EBF3: variants seen among roughly 807,000 people sequenced by gnomAD.
The protein encoded by EBF3 is EBF transcription factor 3, also known as transcription factor COE3.
A neutral mutation model predicts 77.1 loss-of-function variants in EBF3; 18 were observed. That is an observed-to-expected ratio of 0.23 (90% CI 0.16 to 0.35). The LOEUF (loss-of-function observed/expected upper bound fraction) is 0.35, where lower values mean the gene tolerates loss of function less well. Among genes scored for constraint, EBF3 ranks in the 10% least tolerant of loss-of-function variants. The pLI is 1.00. For synonymous variants in EBF3, 350 were observed against 343.5 expected (o/e 1.02, Z -0.21); for missense variants, 558 against 860.0 (o/e 0.65, Z 4.39).
chr10:129,924,733 C>G (rs1856549337), intron 6 of EBF3, among the ~76,000 whole-genome samples: 1 of 152,202 alleles, frequency 6.6e-6, no homozygotes, highest in African/African-American at 2.4e-5. Flanking sequence ...GTAGCATGAT[C>G]ATGGCTCACT....
chr10:129,867,613 G>A (rs182677053), intron 9 of EBF3, among the ~76,000 whole-genome samples, 169 bp downstream of exon 9: 1 of 152,306 alleles, frequency 6.6e-6, no homozygotes, highest in African/African-American at 2.4e-5. Flanking sequence ...AGGGCAGGGG[G>A]GTGTTCCGTA....
intron 10 of EBF3, among the ~76,000 whole-genome samples, chr10:129,856,730 G>A (rs560330180): frequency 5.3e-5 from 8 of 152,224 alleles, no homozygotes; most frequent in South Asian, 4.1e-4. Context: ...GTTCCTTTTC[G>A]TGTGAAGAAA....
chr10:129,870,895 T>C lies in EBF3; in HGVS notation c.781+2557A>G, dbSNP rs1285506388. 6.6e-6 allele frequency among the ~76,000 whole-genome samples: 1 copy of C among 152,150 alleles called. No homozygotes were observed. The highest frequency in any genetic ancestry group is 1.5e-5 in the Non-Finnish European group (1 of 68,028). ...GCCCTCCTGAGTAATATCACAGCAT[T>C]TGTCACCTTCCTCTGCATTCACAAT... On this transcript the variant is annotated intron_variant, in intron 8 of 16. Coordinates refer to ENST00000440978, the MANE Select transcript of EBF3 (RefSeq NM_001375380.1). The surrounding 1 kb of genome is among the most constrained non-coding windows in gnomAD (Gnocchi z 4.4).
At chr10:129,851,932 C>T (rs1042565531) in intron 10 of EBF3, among the ~76,000 whole-genome samples, 1 of 152,124 alleles carries the variant, frequency 6.6e-6, no homozygotes, top group Non-Finnish European at 1.5e-5. Flanking sequence ...AGTAGGCTAC[C>T]GCGGCCTAAT....
Position 129,841,042 on chromosome 10 carries a change from TC to T in EBF3, c.1373-11del, listed in dbSNP as rs68001511. On this transcript the variant is annotated splice_polypyrimidine_tract_variant and intron_variant, in intron 13 of 16. Coordinates refer to ENST00000440978, the MANE Select transcript of EBF3 (RefSeq NM_001375380.1). The surrounding 1 kb of genome is among the most constrained non-coding windows in gnomAD (Gnocchi z 4.6). ...TTGCGACTGTAGCCGACTGTTGAAA[TC>T]CCCCCCCCGGCCAAAAATAACATTA... 345 of 1,506,926 alleles carry T rather than the reference TC, an allele frequency of 2.3e-4. 3 individuals carry two copies. Among genetic ancestry groups the T allele is most frequent in the East Asian group, 1.2e-3 (52 of 41,626 alleles). 93.3% of individuals were successfully genotyped at this position (1,506,926 alleles called of 1,614,324 possible). A position where few individuals can be genotyped will look rare whatever the true frequency, so the allele number is the denominator to read the frequency against.
intron 6 of EBF3, among the ~76,000 whole-genome samples, chr10:129,898,777 C>T (rs1405670749): frequency 2.0e-5 from 3 of 152,182 alleles, no homozygotes; most frequent in Non-Finnish European, 4.4e-5. Flanking sequence ...CCAAGCTGGT[C>T]CCAGCCTCTT....
chr10:129,842,392 G>A lies in EBF3; in HGVS notation c.1195-99C>T. The A allele has an allele frequency of 7.3e-7, 1 of 1,368,732 alleles. No homozygotes were observed. The highest frequency in any genetic ancestry group is 9.8e-7 in the Non-Finnish European group (1 of 1,016,908). 84.8% of individuals were successfully genotyped at this position (1,368,732 alleles called of 1,614,324 possible). ...CCATGGTGGCATCCCACTGTCCCTT[G>A]CCCAGACCATGACCAAATCTATTTC... On this transcript the variant is annotated intron_variant, in intron 12 of 16. Transcript: ENST00000440978. This position sits in a 1 kb window ranked among gnomAD's most constrained non-coding sequence, Gnocchi z 4.4.
chr10:129,955,162 T>C (rs7088726), intron 6 of EBF3, among the ~76,000 whole-genome samples: 27,817 of 152,222 alleles, frequency 0.18, 2,722 homozygotes, highest in East Asian at 0.25. Flanking sequence ...AATAGTACTT[T>C]GCCATTCTAA....
At chr10:129,945,356 C>T (rs901354138) in intron 6 of EBF3, among the ~76,000 whole-genome samples, 1 of 152,070 alleles carries the variant, frequency 6.6e-6, no homozygotes, top group South Asian at 2.1e-4. Flanking sequence ...GAACCCTAAC[C>T]GATTGCGATG....
intron 6 of EBF3, among the ~76,000 whole-genome samples, chr10:129,930,626 A>G (rs1856950265): frequency 7.0e-6 from 1 of 143,300 alleles, no homozygotes; most frequent in Non-Finnish European, 1.5e-5. Context: ...ATCTGTCTAT[A>G]TCTATCTCTA....
At position 129,962,219 on chromosome 10, in the gene EBF3, T is replaced by C; in HGVS notation, c.363A>G (p.Arg121=). Residue 121 remains arginine (R), a synonymous_variant, in exon 4 of 17, where the codon AGA becomes AGG. Coordinates refer to ENST00000440978, the MANE Select transcript of EBF3 (RefSeq NM_001375380.1). The stretch of plus-strand genomic sequence containing the variant: ...GGCGAACATACAGATCTTGCTCTGT[T>C]CTGACTCCTGCAAAAAAACAGAGAC... ...KLQLLYSNGV[R]TEQDLYVRLI... 1 of 1,614,122 alleles carries C rather than the reference T, an allele frequency of 6.2e-7. No individual in the cohort carries two copies. The highest frequency in any genetic ancestry group is 8.5e-7 in the Non-Finnish European group (1 of 1,180,010).
At position 129,938,175 on chromosome 10, in the gene EBF3, G is replaced by T. The variant is rs982173977; in HGVS notation, c.554+19083C>A. Among the ~76,000 whole-genome samples, 1 of 152,080 alleles carries T rather than the reference G, an allele frequency of 6.6e-6. No individual in the cohort carries two copies. The highest frequency in any genetic ancestry group is 1.5e-5 in the Non-Finnish European group (1 of 68,026). ...TGTGCGAGGCTAGCCCCCCGCATGA[G>T]GCTTCATCAGTGAGCCCCTCTGGTA... On this transcript the variant is annotated intron_variant, in intron 6 of 16. Coordinates refer to ENST00000440978, the MANE Select transcript of EBF3 (RefSeq NM_001375380.1). The surrounding 1 kb of genome is among the most constrained non-coding windows in gnomAD (Gnocchi z 5.1).
At chr10:129,951,619 C>G (rs493238) in intron 6 of EBF3, among the ~76,000 whole-genome samples, 124,972 of 152,292 alleles carry the variant, frequency 0.82, 51,433 homozygotes, top group Middle Eastern at 0.91. Context: ...CTTTACCCAG[C>G]TCAGGCAGCC....
rs75224779 is a variant in EBF3 at position 129,900,463 on chromosome 10, C to T, written c.555-22614G>A. Among the ~76,000 whole-genome samples, 545 of 152,290 alleles carry T rather than the reference C, an allele frequency of 3.6e-3. 17 individuals are homozygous for T. In the South Asian group the frequency reaches 0.043, roughly 12 times the overall value. ...GACACAGAAGCCACAGATTCCCCAG[C>T]GGTCAGCACCAGCAAGGTCCTGGGG... On this transcript the variant is annotated intron_variant, in intron 6 of 16. Transcript: ENST00000440978.
At chr10:129,903,234 T>C (rs1429729678) in intron 6 of EBF3, among the ~76,000 whole-genome samples, 2 of 152,346 alleles carry the variant, frequency 1.3e-5, no homozygotes, top group Admixed American at 6.5e-5. Flanking sequence ...TTCAGTCTAA[T>C]ATTTTATGCA....
chr10:129,963,111 G>T lies in EBF3; in HGVS notation c.292-106C>A. 1 of 1,422,678 alleles carries T rather than the reference G, an allele frequency of 7.0e-7. No individual in the cohort carries two copies. The highest frequency in any genetic ancestry group is 9.9e-7 in the Non-Finnish European group (1 of 1,009,124). 88.1% of individuals were successfully genotyped at this position (1,422,678 alleles called of 1,614,324 possible). On this transcript the variant is annotated intron_variant, in intron 2 of 16. Transcript: ENST00000440978. The surrounding 1 kb of genome is among the most constrained non-coding windows in gnomAD (Gnocchi z 7.1). ...AGGCTCTCGGCCTCACACATGGCAG[G>T]ATTCCTAGCTCGAAGCAGCGCGGTG... is the stretch of plus-strand genomic sequence containing the variant.
At chr10:129,854,391 G>A (rs1418318066) in intron 10 of EBF3, among the ~76,000 whole-genome samples, 1 of 152,160 alleles carries the variant, frequency 6.6e-6, no homozygotes, top group Non-Finnish European at 1.5e-5. Flanking sequence ...TCACATGGAT[G>A]AAAAGCGGCC....
chr10:129,961,475 A>C (rs1258987293), intron 4 of EBF3, among the ~76,000 whole-genome samples: 1 of 152,250 alleles, frequency 6.6e-6, no homozygotes, highest in African/African-American at 2.4e-5. Flanking sequence ...GATAGCCAAT[A>C]GTTATCATCG....
chr10:129,892,160 G>C (rs73381791), intron 6 of EBF3, among the ~76,000 whole-genome samples: 3,973 of 152,270 alleles, frequency 0.026, 186 homozygotes, highest in African/African-American at 0.091. Context: ...GTCTCTCCCC[G>C]GGTCCCAGGC....
Sources: gnomAD v4.1 joint callset for allele counts (sites outside exome capture counted in the v4.1 genomes callset) on GRCh38, gnomAD v4.1.1 for gene constraint, Gnocchi (gnomAD v3.1) non-coding constraint, MANE v1.5 for transcripts, NCBI Gene and HGNC (gene_info 2026-07-23, HGNC 2026-07-21) for gene names.